ADAMTS7: variants seen among roughly 807,000 people sequenced by gnomAD.
ADAMTS7 encodes A disintegrin and metalloproteinase with thrombospondin motifs 7.
ADAMTS7 carries 89 observed loss-of-function variants against 172.6 expected under a neutral mutation model. The ratio of observed to expected loss-of-function variants is 0.52; its 90% CI spans 0.43 to 0.61. The LOEUF (loss-of-function observed/expected upper bound fraction) is 0.61. Among genes scored for constraint, ADAMTS7 ranks in the 20% least tolerant of loss-of-function variants. ADAMTS7 has a pLI of 0.00. For synonymous variants in ADAMTS7, 885 were observed against 978.4 expected (o/e 0.90, Z 1.78); for missense variants, 1,973 against 2,355.6 (o/e 0.84, Z 3.36).
rs370230271 is a variant in ADAMTS7 at position 78,777,646 on chromosome 15, C to G, written c.1323-58G>C. The G allele has an allele frequency of 1.4e-3, 2,257 of 1,562,740 alleles. 16 individuals are homozygous for G. The African/African-American group carries it at 0.014, about 10-fold the overall frequency. ...CAGCCTGTGAGACCCATCGGAGAAGCCTTGGTGGGGCCGGGACAGGAGGAG... is the reference window on the plus strand; with the variant it reads ...CAGCCTGTGAGACCCATCGGAGAAGGCTTGGTGGGGCCGGGACAGGAGGAG... On this transcript the variant is annotated intron_variant, in intron 8 of 23. Transcript: ENST00000388820.
In ADAMTS7 at chr15:78,762,467, G is replaced by A. The variant is rs191150752; in HGVS notation, c.4839C>T (p.His1613=). ...LPEEDSDQCG[H]EAWPESSRPC... ...GCCGGGAGCTCTCAGGCCAGGCCTC[G>A]TGGCCACACTGGTCACTGTCTTCCT... is the stretch of plus-strand genomic sequence containing the variant. Residue 1613 remains histidine (H), a synonymous_variant, in exon 23 of 24, where the codon CAC becomes CAT. Transcript: ENST00000388820. 1.4e-5 allele frequency: 22 copies of A among 1,581,548 alleles called. No homozygotes were observed. Among genetic ancestry groups the A allele is most frequent in the South Asian group, 1.1e-5 (1 of 87,268 alleles).
chr15:78,768,048 TGGGGTGGGGAGTTGGC>T, intron 17 of ADAMTS7, 69 bp downstream of exon 17: 1 of 428,900 alleles, frequency 2.3e-6, no homozygotes, highest in Non-Finnish European at 3.6e-6. Flanking sequence ...TGGCGGGGGA[TGGGGTGGGGAGTTGGC>T]GGGGGATGGG....
chr15:78,777,707 A>G, intron 8 of ADAMTS7, 119 bp from the exon 9 acceptor site: 1 of 1,305,706 alleles, frequency 7.7e-7, no homozygotes, highest in Non-Finnish European at 1.0e-6. Flanking sequence ...CAACTGTAGG[A>G]AACTCCAGCC....
At chr15:78,779,841 C>T (rs1036445110) in intron 8 of ADAMTS7, among the ~76,000 whole-genome samples, 3 of 151,802 alleles carry the variant, frequency 2.0e-5, no homozygotes, top group East Asian at 3.9e-4. Flanking sequence ...AGTGCTGACT[C>T]GCTGCACATG....
intron 8 of ADAMTS7, among the ~76,000 whole-genome samples, chr15:78,780,222 TCC>T (rs1445518250): frequency 6.7e-6 from 1 of 149,716 alleles, no homozygotes; most frequent in Non-Finnish European, 1.5e-5. Context: ...CGTCAGCCCT[TCC>T]CCTCCACGCC....
rs186566883 is a variant in ADAMTS7 at position 78,760,149 on chromosome 15, G to T, written c.4904-571C>A. On this transcript the variant is annotated intron_variant, in intron 23 of 23. Transcript: ENST00000388820. ...TCTCAGGTGGGCCACGAAGCCTAGA[G>T]TGAGTGGGCCTTACAGGCCGTCAGC... Among the ~76,000 whole-genome samples the T allele has an allele frequency of 4.0e-3, 614 of 152,002 alleles. 4 individuals are homozygous for T. The highest frequency in any genetic ancestry group is 0.014 in the African/African-American group (583 of 41,572).
chr15:78,783,178 CAG>C (rs1309588446), intron 8 of ADAMTS7, among the ~76,000 whole-genome samples: 1 of 152,206 alleles, frequency 6.6e-6, no homozygotes, highest in Non-Finnish European at 1.5e-5. Flanking sequence ...AGTCCTTCAG[CAG>C]AGACTTGGAA....
chr15:78,767,447 G>A lies in ADAMTS7; in HGVS notation c.2791C>T (p.Pro931Ser), dbSNP rs776505654. The A allele has an allele frequency of 6.2e-7, 1 of 1,611,716 alleles. No homozygotes were observed. Among genetic ancestry groups the A allele is most frequent in the African/African-American group, 1.3e-5 (1 of 74,854 alleles). ...TGGCGGTTGCAAGGGGTTTCAGTAG[G>A]GGGCCGGGGAAGGTGTTCACAGGCG... is the stretch of plus-strand genomic sequence containing the variant. ...PPACEHLPRPPTETPCNRHVP... is the reference protein window; with the variant it reads ...PPACEHLPRPSTETPCNRHVP... Residue 931 changes from proline (P) to serine (S), a missense_variant, in exon 18 of 24, where the codon CCT becomes TCT. This residue lies in a region of ADAMTS7 where 771 missense variants were observed against 952.6 expected (regional missense o/e 0.81). Transcript: ENST00000388820.
rs1005965110 is a variant in ADAMTS7 at position 78,771,996 on chromosome 15, C to G, written c.2132-167G>C. ...TCTGTCATGGGTCACCAAAACCTCG[C>G]AGAGGTGCCACAAATCCTGACCCCG... On this transcript the variant is annotated intron_variant, in intron 14 of 23. Coordinates refer to ENST00000388820, the MANE Select transcript of ADAMTS7 (RefSeq NM_014272.5). The surrounding 1 kb of genome is among the most constrained non-coding windows in gnomAD (Gnocchi z 4.9). Among the ~76,000 whole-genome samples, 2 of 152,214 alleles carry G rather than the reference C, an allele frequency of 1.3e-5. No individual in the cohort carries two copies. The highest frequency in any genetic ancestry group is 6.5e-5 in the Admixed American group (1 of 15,288).
Position 78,771,530 on chromosome 15 carries a change from TG to T in ADAMTS7, c.2376+54del. ...GGACGAGACCTGCCATGGAGGGTGC[TG>T]GGCCTGGGGACTCCGCCTCTGCTCC... On this transcript the variant is annotated intron_variant, in intron 15 of 23. Transcript: ENST00000388820. This position sits in a 1 kb window ranked among gnomAD's most constrained non-coding sequence, Gnocchi z 4.9. 1 of 1,553,656 alleles carries T rather than the reference TG, an allele frequency of 6.4e-7. No individual in the cohort carries two copies.
chr15:78,759,450 G>T lies in ADAMTS7; in HGVS notation c.5032C>A (p.Arg1678=), dbSNP rs750873054. The change falls in exon 24 of 24, where the codon CGA becomes AGA. Residue 1678 remains arginine (R), a synonymous_variant. Coordinates refer to ENST00000388820, the MANE Select transcript of ADAMTS7 (RefSeq NM_014272.5). ...CGGCGGGCAACCCGCTGATGGCCTCGGGAGGGGGCGCCGTGGCTGGGCGGA... is the reference window on the plus strand; with the variant it reads ...CGGCGGGCAACCCGCTGATGGCCTCTGGAGGGGGCGCCGTGGCTGGGCGGA... ...CSPPSHGAPS[R]GHQRVARR is the part of the protein sequence containing the mutation. 6 of 1,595,854 alleles carry T rather than the reference G, an allele frequency of 3.8e-6. No homozygotes were observed. Among genetic ancestry groups the T allele is most frequent in the Non-Finnish European group, 5.1e-6 (6 of 1,177,024 alleles).
rs770211743 is a variant in ADAMTS7 at position 78,763,862 on chromosome 15, G to A, written c.4594-17C>T. 4.1e-5 allele frequency: 65 copies of A among 1,579,882 alleles called. No individual in the cohort carries two copies. The highest frequency in any genetic ancestry group is 7.2e-5 in the Admixed American group (4 of 55,270). On this transcript the variant is annotated splice_polypyrimidine_tract_variant and intron_variant, in intron 21 of 23. Coordinates refer to ENST00000388820, the MANE Select transcript of ADAMTS7 (RefSeq NM_014272.5). ...CTCGGAGCACTGGGTGGGCAGGGAA[G>A]GAGTCAGGGCACAGCCAGGGTCTGA... is the stretch of plus-strand genomic sequence containing the variant.
In ADAMTS7 at chr15:78,800,486, C is replaced by G. The variant is rs781510966; in HGVS notation, c.162G>C (p.Gly54=). Residue 54 remains glycine (G), a synonymous_variant, in exon 2 of 24, where the codon GGG becomes GGC. Coordinates refer to ENST00000388820, the MANE Select transcript of ADAMTS7 (RefSeq NM_014272.5). ...ACAGCTCGTAGGACAGGAAGGAGCC[C>G]CCCGCGTCGACTCGAACCGGGTGCA... ...DIVHPVRVDA[G]GSFLSYELWP... 1.9e-6 allele frequency: 3 copies of G among 1,609,834 alleles called. No individual in the cohort carries two copies. The highest frequency in any genetic ancestry group is 1.1e-5 in the South Asian group (1 of 90,408).
At chr15:78,792,081 T>C (rs1237574255) in intron 4 of ADAMTS7, among the ~76,000 whole-genome samples, 1 of 152,084 alleles carries the variant, frequency 6.6e-6, no homozygotes, top group Non-Finnish European at 1.5e-5. Flanking sequence ...AAAAAGAATA[T>C]TCAAATAGCA....
chr15:78,807,842 A>C (rs1485600791), intron 1 of ADAMTS7, among the ~76,000 whole-genome samples: 1 of 151,998 alleles, frequency 6.6e-6, no homozygotes, highest in Non-Finnish European at 1.5e-5. Context: ...AAACAAAACA[A>C]AACAAAAAAC....
chr15:78,788,570 A>G (rs563763302), intron 7 of ADAMTS7, among the ~76,000 whole-genome samples, 196 bp from the exon 8 acceptor site: 1 of 152,366 alleles, frequency 6.6e-6, no homozygotes, highest in Admixed American at 6.5e-5. Context: ...TGAGGGTATG[A>G]CAGCTAGTAT....
intron 2 of ADAMTS7, 40 bp downstream of exon 2, chr15:78,800,152 C>T: frequency 1.3e-6 from 2 of 1,547,574 alleles, no homozygotes; most frequent in South Asian, 1.1e-5. Flanking sequence ...CATCCCACCA[C>T]CCGAGACTGC....
intron 16 of ADAMTS7, among the ~76,000 whole-genome samples, chr15:78,770,185 T>TAAAATAAATA (rs367730745): frequency 4.0e-5 from 6 of 149,960 alleles, no homozygotes; most frequent in Non-Finnish European, 7.4e-5. Flanking sequence ...TAAAATAAAA[T>TAAAATAAATA]AAATAAAATA....
At chr15:78,782,477 G>A (rs1424878680) in intron 8 of ADAMTS7, among the ~76,000 whole-genome samples, 6 of 149,592 alleles carry the variant, frequency 4.0e-5, no homozygotes, top group Non-Finnish European at 8.9e-5. Context: ...GCCCCACAGT[G>A]AGTGGACTTC....
Sources: allele counts gnomAD v4.1 joint callset (sites outside exome capture counted in the v4.1 genomes callset), GRCh38; gene constraint gnomAD v4.1.1; regional missense constraint gnomAD v4.1.1; non-coding constraint Gnocchi (gnomAD v3.1); transcripts MANE v1.5; gene names NCBI Gene and HGNC (gene_info 2026-07-23, HGNC 2026-07-21).